ITGB1: variants seen among roughly 807,000 people sequenced by gnomAD.
The protein encoded by ITGB1 is integrin subunit beta 1.
ITGB1 carries 24 observed loss-of-function variants against 86.5 expected under a neutral mutation model. That is an observed-to-expected ratio of 0.28 (90% CI 0.20 to 0.39). ITGB1 has a LOEUF of 0.39. Ranked by LOEUF, ITGB1 falls within the 10% of genes least tolerant of loss-of-function variation. The pLI is 1.00. For missense variants in ITGB1, 556 were observed against 946.9 expected, an observed-to-expected ratio of 0.59 and a Z score of 5.42; for synonymous variants, 323 against 316.8, an observed-to-expected ratio of 1.02 and a Z score of -0.21.
chr10:32,912,521 T>A (rs1216787375), intron 11 of ITGB1, among the ~76,000 whole-genome samples: 2 of 152,172 alleles, frequency 1.3e-5, no homozygotes, highest in Non-Finnish European at 2.9e-5. Context: ...GAGGGTCCCA[T>A]GCCCAGCTCA....
intron 1 of ITGB1, among the ~76,000 whole-genome samples, chr10:32,941,311 T>A (rs576034850): frequency 6.6e-6 from 1 of 152,354 alleles, no homozygotes; most frequent in South Asian, 2.1e-4. Context: ...AAAAAAAGAC[T>A]AGAAAAATGT....
chr10:32,951,034 ATACGTTGGG>A (rs1363568825), intron 1 of ITGB1, among the ~76,000 whole-genome samples: 1 of 152,180 alleles, frequency 6.6e-6, no homozygotes. Context: ...CCTAAAGATA[ATACGTTGGG>A]GGTAGGGGGA....
intron 1 of ITGB1, among the ~76,000 whole-genome samples, chr10:32,950,981 G>C (rs565004160): frequency 4.4e-4 from 67 of 152,276 alleles, no homozygotes; most frequent in Non-Finnish European, 8.2e-4. Context: ...AAGTGCAAGG[G>C]AAAGATAAAT....
chr10:32,910,254 G>A lies in ITGB1; in HGVS notation c.2133C>T (p.Asn711=), dbSNP rs753843303. 35 of 1,605,194 alleles carry A rather than the reference G, an allele frequency of 2.2e-5. No individual in the cohort carries two copies. The highest frequency in any genetic ancestry group is 2.7e-5 in the Non-Finnish European group (32 of 1,172,850). The change falls in exon 14 of 16, where the codon AAC becomes AAT. Residue 711 remains asparagine (N), a synonymous_variant. Transcript: ENST00000302278. ...FYFTYSVNGN[N]EVMVHVVENP... ...TCTCCACAACATGAACCATGACCTC[G>A]TTGTTCCCATTCACTGAATACGTAA...
At chr10:32,935,587 T>C in intron 1 of ITGB1, 29 bp from the exon 2 acceptor site, 1 of 1,489,940 alleles carries the variant, frequency 6.7e-7, no homozygotes, top group Non-Finnish European at 9.3e-7. Context: ...CTTATATTAG[T>C]TATAAAGAAA....
intron 11 of ITGB1, among the ~76,000 whole-genome samples, chr10:32,916,697 C>CAA (rs1398601509): frequency 6.6e-6 from 1 of 152,126 alleles, no homozygotes; most frequent in Non-Finnish European, 1.5e-5. Flanking sequence ...AAAGAGGACT[C>CAA]AAACAAATGG....
chr10:32,944,853 C>T, intron 1 of ITGB1: 1 of 1,229,466 alleles, frequency 8.1e-7, no homozygotes, highest in Non-Finnish European at 1.2e-6. Context: ...ACTGGGGATC[C>T]TCTCATTCAG....
At chr10:32,944,628 T>G in intron 1 of ITGB1, 1 of 601,118 alleles carries the variant, frequency 1.7e-6, no homozygotes, top group Non-Finnish European at 3.2e-6. Context: ...CTGAAAAATC[T>G]CACTTAGTAT....
intron 1 of ITGB1, among the ~76,000 whole-genome samples, chr10:32,942,969 T>A (rs1479856842): frequency 6.6e-6 from 1 of 151,976 alleles, no homozygotes; most frequent in African/African-American, 2.4e-5. Context: ...TAAGCTATGA[T>A]CACACCACTG....
At chr10:32,918,883 A>G (rs1051407906) in intron 11 of ITGB1, among the ~76,000 whole-genome samples, 11 of 152,232 alleles carry the variant, frequency 7.2e-5, no homozygotes, top group African/African-American at 2.7e-4. Context: ...ATACTATTTA[A>G]AAATAAATAT....
At chr10:32,929,157 G>A (rs926315852) in intron 4 of ITGB1, among the ~76,000 whole-genome samples, 18 of 152,132 alleles carry the variant, frequency 1.2e-4, no homozygotes, top group Admixed American at 9.8e-4. Context: ...ATTGATCAAG[G>A]ACAGAGCATT....
At position 32,928,085 on chromosome 10, in the gene ITGB1, C is replaced by G. The variant is rs200387065; in HGVS notation, c.547+9G>C. ...TAATGAAAATGGTCAATGTTCCCAACATTCCTACCAATTCTGAAGTCCGAA... is the reference window on the plus strand; with the variant it reads ...TAATGAAAATGGTCAATGTTCCCAAGATTCCTACCAATTCTGAAGTCCGAA... On this transcript the variant is annotated intron_variant, in intron 5 of 15. Transcript: ENST00000302278. 2.0e-5 allele frequency: 30 copies of G among 1,520,640 alleles called. No homozygotes were observed. The highest frequency in any genetic ancestry group is 1.9e-4 in the Admixed American group (10 of 53,288). 94.2% of individuals were successfully genotyped at this position (1,520,640 alleles called of 1,614,324 possible). A position where few individuals can be genotyped will look rare whatever the true frequency, so the allele number is the denominator to read the frequency against.
intron 1 of ITGB1, chr10:32,957,674 G>C (rs1284973950): frequency 6.6e-6 from 1 of 152,248 alleles, no homozygotes; most frequent in African/African-American, 2.4e-5. Flanking sequence ...AGCTCGCGAG[G>C]GAGCGAGAGA....
chr10:32,908,405 T>C lies in ITGB1; in HGVS notation c.2294A>G (p.Lys765Arg). 6.2e-7 allele frequency: 1 copy of C among 1,614,006 alleles called. No homozygotes were observed. Among genetic ancestry groups the C allele is most frequent in the African/African-American group, 1.3e-5 (1 of 75,038 alleles). ...GGCATTCATTTTCTCCTTTTCAAAT[T>C]TAGCAAACTCCCTTCTGTCATGAAT... ...MIIHDRREFA[K>R]FEKEKMNAKW... is the part of the protein sequence containing the mutation. Residue 765 changes from lysine to arginine, a missense_variant, in exon 15 of 16, where the codon AAA becomes AGA. Physicochemically the swap from Lys to Arg is conservative, Grantham distance 26 (BLOSUM62 2). This residue lies in a region of ITGB1 where 18 missense variants were observed against 75.2 expected (regional missense o/e 0.24). Coordinates refer to ENST00000302278, the MANE Select transcript of ITGB1 (RefSeq NM_002211.4).
At chr10:32,934,981 C>T (rs894150088) in intron 2 of ITGB1, among the ~76,000 whole-genome samples, 2 of 152,154 alleles carry the variant, frequency 1.3e-5, no homozygotes, top group African/African-American at 2.4e-5. Flanking sequence ...AACTGCGTAT[C>T]CATTATTCCA....
intron 1 of ITGB1, among the ~76,000 whole-genome samples, chr10:32,952,632 A>T (rs377449729): frequency 2.0e-4 from 31 of 152,316 alleles, no homozygotes; most frequent in African/African-American, 7.0e-4. Flanking sequence ...TATACAGAAA[A>T]ATGTGACTTC....
intron 1 of ITGB1, chr10:32,944,549 G>A: frequency 2.2e-6 from 1 of 459,888 alleles, no homozygotes; most frequent in East Asian, 5.8e-5. Context: ...TAATGTGTTA[G>A]CTAACGCTTT....
chr10:32,940,755 G>A (rs1402976802), intron 1 of ITGB1, among the ~76,000 whole-genome samples: 1 of 152,158 alleles, frequency 6.6e-6, no homozygotes, highest in Non-Finnish European at 1.5e-5. Flanking sequence ...CAAATTTTTT[G>A]ACTCACTACA....
At chr10:32,919,835 A>C in intron 11 of ITGB1, 50 bp downstream of exon 11, 1 of 1,517,006 alleles carries the variant, frequency 6.6e-7, no homozygotes, top group Non-Finnish European at 9.2e-7. Flanking sequence ...ACCTGCCTAT[A>C]CTCTCTAAAC....
Sources: allele counts gnomAD v4.1 joint callset (sites outside exome capture counted in the v4.1 genomes callset), GRCh38; gene constraint gnomAD v4.1.1; regional missense constraint gnomAD v4.1.1; transcripts MANE v1.5; gene names NCBI Gene and HGNC (gene_info 2026-07-23, HGNC 2026-07-21).